ROBO2: variants seen among roughly 807,000 people sequenced by gnomAD.
ROBO2 encodes roundabout guidance receptor 2, also known as roundabout homolog 2.
Under a neutral mutation model 160.8 loss-of-function variants are expected in ROBO2, and 53 were observed. The observed-to-expected ratio is 0.33, with a 90% confidence interval of 0.26 to 0.41. ROBO2 has a LOEUF of 0.41. Ranked by LOEUF, ROBO2 falls within the 10% of genes least tolerant of loss-of-function variation. The pLI is 1.00. For synonymous variants in ROBO2, 664 were observed against 611.7 expected, an observed-to-expected ratio of 1.09 and a Z score of -1.26; for missense variants, 1,577 against 1,722.4, an observed-to-expected ratio of 0.92 and a Z score of 1.49.
At chr3:76,702,935 T>C (rs971373431) in intron 2 of ROBO2, among the ~76,000 whole-genome samples, 1 of 152,124 alleles carries the variant, frequency 6.6e-6, no homozygotes, top group African/African-American at 2.4e-5. Flanking sequence ...CCTATGCTTC[T>C]AGAAAATACA....
intron 2 of ROBO2, among the ~76,000 whole-genome samples, chr3:76,375,679 T>C (rs775443757): frequency 6.6e-6 from 1 of 152,006 alleles, no homozygotes; most frequent in African/African-American, 2.4e-5. Flanking sequence ...AGAAGATAGA[T>C]TAAAAAAAAC....
At chr3:77,145,189 A>G (rs761803044) in intron 2 of ROBO2, among the ~76,000 whole-genome samples, 12 of 152,164 alleles carry the variant, frequency 7.9e-5, no homozygotes, top group Non-Finnish European at 1.8e-4. Flanking sequence ...GGCTGAATGG[A>G]TAATATGAAG....
At chr3:76,654,294 GTTA>G (rs1395417589) in intron 2 of ROBO2, among the ~76,000 whole-genome samples, 1 of 152,086 alleles carries the variant, frequency 6.6e-6, no homozygotes, top group Non-Finnish European at 1.5e-5. Context: ...CAGCAAAAAA[GTTA>G]TTATTTTCTT....
At chr3:76,616,311 G>T (rs950338064) in intron 2 of ROBO2, among the ~76,000 whole-genome samples, 2 of 152,128 alleles carry the variant, frequency 1.3e-5, no homozygotes, top group African/African-American at 4.8e-5. Flanking sequence ...TTTAAAAGCT[G>T]AGTTAATGTA....
At chr3:76,352,126 C>A (rs140620943) in intron 2 of ROBO2, among the ~76,000 whole-genome samples, 1 of 152,076 alleles carries the variant, frequency 6.6e-6, no homozygotes, top group African/African-American at 2.4e-5. Flanking sequence ...AGCAGAAGTA[C>A]TTCATTCCCT....
chr3:77,460,265 A>T (rs1009402524), intron 2 of ROBO2, among the ~76,000 whole-genome samples: 1 of 152,170 alleles, frequency 6.6e-6, no homozygotes, highest in Non-Finnish European at 1.5e-5. Context: ...TGAGCGATTC[A>T]TAGAAGATGA....
chr3:77,112,638 C>T (rs944569393), intron 2 of ROBO2, among the ~76,000 whole-genome samples: 3 of 152,086 alleles, frequency 2.0e-5, no homozygotes, highest in Non-Finnish European at 4.4e-5. Flanking sequence ...TCAGTAGATC[C>T]TATCGTTCCT....
At chr3:77,640,438 G>T (rs1025184210) in intron 24 of ROBO2, among the ~76,000 whole-genome samples, 17 of 152,142 alleles carry the variant, frequency 1.1e-4, no homozygotes, top group African/African-American at 4.1e-4. Context: ...GGATGATCTA[G>T]AGCTGAGTTC....
chr3:76,647,519 A>G (rs80138474), intron 2 of ROBO2, among the ~76,000 whole-genome samples: 214 of 152,376 alleles, frequency 1.4e-3, no homozygotes, highest in Non-Finnish European at 2.8e-3. Context: ...GAAAGAAAAA[A>G]TTGAAAATGG....
chr3:76,960,143 C>G (rs2079544995), intron 2 of ROBO2, among the ~76,000 whole-genome samples: 1 of 151,986 alleles, frequency 6.6e-6, no homozygotes, highest in Non-Finnish European at 1.5e-5. Flanking sequence ...CAATTTGACA[C>G]TCTTAGGACA....
At chr3:76,828,003 T>C (rs1409505860) in intron 2 of ROBO2, among the ~76,000 whole-genome samples, 1 of 152,006 alleles carries the variant, frequency 6.6e-6, no homozygotes, top group Non-Finnish European at 1.5e-5. Context: ...AAATAAAGAG[T>C]TGTAAACAGA....
At chr3:77,518,083 T>G (rs181879052) in intron 5 of ROBO2, among the ~76,000 whole-genome samples, 62 of 151,660 alleles carry the variant, frequency 4.1e-4, no homozygotes, top group African/African-American at 1.4e-3. Context: ...TATACTTTTC[T>G]GTTTGGCACA....
rs970161219 is a variant in ROBO2 at position 76,980,231 on chromosome 3, C to T, written c.110-117783C>T. On this transcript the variant is annotated intron_variant, in intron 2 of 26. Transcript: ENST00000487694. ...GGCTGAGCTTTACTGCAAAACATTT[C>T]CTCGGCCATTGGCGGTTAAACCACA... Among the ~76,000 whole-genome samples, 3 of 152,188 alleles carry T rather than the reference C, an allele frequency of 2.0e-5. 1 individual carries two copies. The highest frequency in any genetic ancestry group is 4.4e-5 in the Non-Finnish European group (3 of 68,034).
chr3:77,516,834 A>T (rs532400016), intron 5 of ROBO2, among the ~76,000 whole-genome samples: 7 of 151,704 alleles, frequency 4.6e-5, no homozygotes, highest in Non-Finnish European at 1.0e-4. Context: ...CAAATTAGTT[A>T]ATCTCTCAGT....
At chr3:75,988,859 A>G (rs920461742) in intron 2 of ROBO2, among the ~76,000 whole-genome samples, 5 of 151,918 alleles carry the variant, frequency 3.3e-5, no homozygotes, top group African/African-American at 7.2e-5. Flanking sequence ...TGATGTTTAT[A>G]TATTAAAATC....
At chr3:77,496,662 T>C (rs2086826394) in intron 5 of ROBO2, among the ~76,000 whole-genome samples, 2 of 152,118 alleles carry the variant, frequency 1.3e-5, no homozygotes. Flanking sequence ...TACGAAAGCT[T>C]TGTAGGGCAG....
chr3:76,196,504 C>T (rs575142026), intron 2 of ROBO2, among the ~76,000 whole-genome samples: 1 of 152,158 alleles, frequency 6.6e-6, no homozygotes, highest in East Asian at 1.9e-4. Flanking sequence ...ACATCCACAT[C>T]TCAAAGGGTT....
At chr3:77,005,591 T>G (rs2061540528) in intron 2 of ROBO2, among the ~76,000 whole-genome samples, 1 of 152,168 alleles carries the variant, frequency 6.6e-6, no homozygotes, top group African/African-American at 2.4e-5. Flanking sequence ...GACTAATAAA[T>G]ATTGTACTTT....
At chr3:77,124,141 G>A (rs150982910) in intron 2 of ROBO2, among the ~76,000 whole-genome samples, 15 of 152,200 alleles carry the variant, frequency 9.9e-5, no homozygotes, top group Admixed American at 2.6e-4. Context: ...TGCTCCTTTC[G>A]TTCTGGATAC....
Sources: gnomAD v4.1 joint callset for allele counts (sites outside exome capture counted in the v4.1 genomes callset) on GRCh38, gnomAD v4.1.1 for gene constraint, MANE v1.5 for transcripts, NCBI Gene and HGNC (gene_info 2026-07-23, HGNC 2026-07-21) for gene names.